The following DCC variants were observed in gnomAD, a reference collection of about 807,000 sequenced individuals.
DCC encodes the protein DCC netrin 1 receptor, also known as netrin receptor DCC.
In DCC, 58 loss-of-function variants were observed where a neutral mutation model predicts 172.5. The ratio of observed to expected loss-of-function variants is 0.34; its 90% CI spans 0.27 to 0.42. DCC has a LOEUF of 0.42. DCC is among the 10% of genes least tolerant of loss of function. The pLI, the probability that DCC is intolerant of heterozygous loss-of-function variation, is 1.00. For synonymous variants in DCC, 709 were observed against 644.5 expected, an observed-to-expected ratio of 1.10 and a Z score of -1.52; for missense variants, 1,740 against 1,791.0, an observed-to-expected ratio of 0.97 and a Z score of 0.51.
chr18:53,312,153 CAAAAAAAAAAAAAA>C (rs895203731), intron 13 of DCC, among the ~76,000 whole-genome samples: 6 of 26,734 alleles, frequency 2.2e-4, no homozygotes, highest in Non-Finnish European at 4.0e-4. Flanking sequence ...GCTAAAAATA[CAAAAAAAAAAAAAA>C]AAAAAAAAAA....
At chr18:52,579,787 G>T (rs902850461) in intron 1 of DCC, among the ~76,000 whole-genome samples, 14 of 152,296 alleles carry the variant, frequency 9.2e-5, no homozygotes, top group Admixed American at 9.1e-4. Flanking sequence ...GGAAGCAATT[G>T]AATTAAAAAG....
chr18:52,775,061 G>A lies in DCC; in HGVS notation c.412+22687G>A, dbSNP rs549480630. 2.0e-5 allele frequency among the ~76,000 whole-genome samples: 3 copies of A among 152,178 alleles called. No individual in the cohort carries two copies. In the East Asian group the frequency reaches 5.8e-4, roughly 29 times the overall value. ...ACAGAGCCTCTTACCAGCAGGAAAA[G>A]GTGGCAGGGTTTTGGAGGAAAGGCA... On this transcript the variant is annotated intron_variant, in intron 2 of 28. Coordinates refer to ENST00000442544, the MANE Select transcript of DCC (RefSeq NM_005215.4).
chr18:53,203,230 T>C (rs868140677), intron 9 of DCC, among the ~76,000 whole-genome samples: 1 of 150,664 alleles, frequency 6.6e-6, no homozygotes, highest in South Asian at 2.1e-4. Context: ...TGTGTGTGTG[T>C]GTGTGCGTGT....
chr18:52,631,726 G>A (rs2034679040), intron 1 of DCC, among the ~76,000 whole-genome samples: 1 of 152,138 alleles, frequency 6.6e-6, no homozygotes, highest in Admixed American at 6.6e-5. Context: ...TTAACTCAAT[G>A]CAAATTAATT....
At chr18:53,031,084 C>A (rs1199348543) in intron 5 of DCC, among the ~76,000 whole-genome samples, 2 of 152,062 alleles carry the variant, frequency 1.3e-5, no homozygotes, top group Non-Finnish European at 2.9e-5. Context: ...CATGGTGAAA[C>A]CCTATTTCTA....
intron 5 of DCC, among the ~76,000 whole-genome samples, chr18:52,969,584 A>ACTAT (rs770537080): frequency 8.4e-6 from 1 of 119,440 alleles, no homozygotes; most frequent in Non-Finnish European, 1.7e-5. Flanking sequence ...CCCGCCCCCC[A>ACTAT]CTCTCTCTCT....
chr18:52,569,209 C>A (rs1293002898), intron 1 of DCC, among the ~76,000 whole-genome samples: 3 of 152,208 alleles, frequency 2.0e-5, no homozygotes, highest in Non-Finnish European at 4.4e-5. Flanking sequence ...AAGAGGAACA[C>A]AACGCATTTC....
At chr18:52,751,779 GAT>G (rs2145132193) in intron 1 of DCC, among the ~76,000 whole-genome samples, 1 of 152,178 alleles carries the variant, frequency 6.6e-6, no homozygotes, top group Admixed American at 6.5e-5. Flanking sequence ...TGTACTGACT[GAT>G]ATGTGGTAAT....
Position 52,771,882 on chromosome 18 carries a change from A to AAAAAG in DCC, c.412+19513_412+19517dup, listed in dbSNP as rs1555659206. 1.2e-3 allele frequency among the ~76,000 whole-genome samples: 174 copies of AAAAAG among 150,374 alleles called. 1 individual carries two copies. Among genetic ancestry groups the AAAAAG allele is most frequent in the African/African-American group, 3.9e-3 (159 of 40,580 alleles). ...CTGTAGAAACTTGTGAAAAAAAAAAAAAAAGAAAAAGAAAGAACAAGGCCC... is the reference window on the plus strand; with the variant it reads ...CTGTAGAAACTTGTGAAAAAAAAAAAAAAAGAAAAGAAAAAGAAAGAACAAGGCCC... On this transcript the variant is annotated intron_variant, in intron 2 of 28. Transcript: ENST00000442544.
chr18:53,139,146 C>T (rs1162403827), intron 7 of DCC, among the ~76,000 whole-genome samples: 7 of 152,124 alleles, frequency 4.6e-5, no homozygotes, highest in South Asian at 2.1e-4. Flanking sequence ...AGTTACACAG[C>T]GATCACTCAA....
intron 1 of DCC, among the ~76,000 whole-genome samples, chr18:52,393,247 A>G (rs527447809): frequency 5.3e-5 from 8 of 152,214 alleles, no homozygotes; most frequent in East Asian, 1.9e-4. Flanking sequence ...TATTGTATCA[A>G]TGATTTCTGA....
chr18:53,286,284 C>A (rs533879780), intron 12 of DCC, among the ~76,000 whole-genome samples: 2 of 152,184 alleles, frequency 1.3e-5, no homozygotes, highest in African/African-American at 4.8e-5. Context: ...TGGGAGGAAC[C>A]TGGTGGGAGG....
chr18:53,124,072 T>C (rs2043520672), intron 7 of DCC, among the ~76,000 whole-genome samples: 1 of 152,080 alleles, frequency 6.6e-6, no homozygotes, highest in African/African-American at 2.4e-5. Flanking sequence ...ACAGAAAAGA[T>C]GGACCCACAG....
intron 1 of DCC, among the ~76,000 whole-genome samples, chr18:52,661,335 A>T (rs1237736836): frequency 6.6e-6 from 1 of 152,222 alleles, no homozygotes; most frequent in Non-Finnish European, 1.5e-5. Context: ...GCAATTGGAT[A>T]TCCTTACTTC....
intron 2 of DCC, among the ~76,000 whole-genome samples, chr18:52,816,322 T>C (rs987676344): frequency 1.3e-5 from 2 of 152,162 alleles, no homozygotes; most frequent in African/African-American, 4.8e-5. Context: ...CACAACACGG[T>C]CTAACTCTCC....
chr18:53,208,491 T>C (rs777574261), intron 11 of DCC, among the ~76,000 whole-genome samples: 15 of 131,332 alleles, frequency 1.1e-4, no homozygotes, highest in Middle Eastern at 7.6e-3. Flanking sequence ...GTGCAGATGA[T>C]TAAAGGTGTA....
At chr18:52,515,902 T>C (rs1369632624) in intron 1 of DCC, among the ~76,000 whole-genome samples, 2 of 40,796 alleles carry the variant, frequency 4.9e-5, no homozygotes, top group African/African-American at 9.5e-5. Flanking sequence ...AACTAAACAA[T>C]AGAAAAAAAA....
At chr18:52,997,570 A>T (rs2041501079) in intron 5 of DCC, among the ~76,000 whole-genome samples, 1 of 152,076 alleles carries the variant, frequency 6.6e-6, no homozygotes, top group African/African-American at 2.4e-5. Context: ...TGTAAATTTT[A>T]GATGAGCCAT....
At chr18:53,529,297 C>G (rs1424710363) in intron 28 of DCC, among the ~76,000 whole-genome samples, 1 of 152,056 alleles carries the variant, frequency 6.6e-6, no homozygotes, top group Non-Finnish European at 1.5e-5. Flanking sequence ...TCTATCAATG[C>G]TCTCTTGAGA....
Sources: gnomAD v4.1 joint callset for allele counts (sites outside exome capture counted in the v4.1 genomes callset) on GRCh38, gnomAD v4.1.1 for gene constraint, MANE v1.5 for transcripts, NCBI Gene and HGNC (gene_info 2026-07-23, HGNC 2026-07-21) for gene names.